The following CTNNA3 variants were observed in gnomAD, a reference collection of about 807,000 sequenced individuals.
CTNNA3 encodes the protein catenin alpha 3.
In CTNNA3, 76 loss-of-function variants were observed where a neutral mutation model predicts 95.7. That is an observed-to-expected ratio of 0.79 (90% CI 0.66 to 0.96). The LOEUF (loss-of-function observed/expected upper bound fraction) is 0.96. Among genes scored for constraint, CTNNA3 ranks in the 40% least tolerant of loss-of-function variants. CTNNA3 has a pLI of 0.00. For missense variants in CTNNA3, 1,191 were observed against 1,089.8 expected (o/e 1.09, Z -1.31); for synonymous variants, 431 against 374.4 (o/e 1.15, Z -1.74).
At position 66,715,268 on chromosome 10, in the gene CTNNA3, A is replaced by G. The variant is rs556336486; in HGVS notation, c.1281+50996T>C. On this transcript the variant is annotated intron_variant, in intron 9 of 17. Transcript: ENST00000433211. ...AAGTCTGTTTACTGGGCAAGGAGGC[A>G]TAGGAAAAAATATAAAGGGCACTGC... 3.9e-5 allele frequency among the ~76,000 whole-genome samples: 6 copies of G among 152,260 alleles called. No individual in the cohort carries two copies. In the East Asian group the frequency reaches 1.2e-3, roughly 29 times the overall value.
chr10:67,642,620 T>C (rs1839575431), intron 2 of CTNNA3, among the ~76,000 whole-genome samples: 1 of 151,880 alleles, frequency 6.6e-6, no homozygotes, highest in South Asian at 2.1e-4. Flanking sequence ...AGGAAGCTGA[T>C]GCAGGAGAAT....
rs1403931419 is a variant in CTNNA3, at chr10:67,347,736, C to G, written c.580-127866G>C. Among the ~76,000 whole-genome samples, 5 of 147,688 alleles carry G rather than the reference C, an allele frequency of 3.4e-5. No homozygotes were observed. In the Admixed American group the frequency reaches 3.5e-4, roughly 10 times the overall value. On this transcript the variant is annotated intron_variant, in intron 5 of 17. Coordinates refer to ENST00000433211, the MANE Select transcript of CTNNA3 (RefSeq NM_013266.4). ...GGTTTTGAGGTGTATCCAGAAAAATCTGGTTTTTTTAATCAAGAGAATCCA... is the reference window on the plus strand; with the variant it reads ...GGTTTTGAGGTGTATCCAGAAAAATGTGGTTTTTTTAATCAAGAGAATCCA...
intron 11 of CTNNA3, among the ~76,000 whole-genome samples, chr10:66,461,187 AGGAATCACT>A (rs1261076298): frequency 6.6e-5 from 10 of 152,098 alleles, no homozygotes; most frequent in African/African-American, 4.8e-5. Context: ...GCATTTCCCC[AGGAATCACT>A]GGAAACATTT....
intron 5 of CTNNA3, among the ~76,000 whole-genome samples, chr10:67,306,994 G>A (rs531969727): frequency 6.6e-6 from 1 of 152,218 alleles, no homozygotes; most frequent in East Asian, 1.9e-4. Flanking sequence ...AGATAAAAAG[G>A]AAGGAAGATA....
At chr10:66,368,698 A>G (rs937457327) in intron 12 of CTNNA3, among the ~76,000 whole-genome samples, 3 of 152,308 alleles carry the variant, frequency 2.0e-5, no homozygotes, top group African/African-American at 7.2e-5. Context: ...CAACAGAAGT[A>G]GCTATTAAAG....
At chr10:66,574,222 T>G (rs1021826122) in intron 10 of CTNNA3, among the ~76,000 whole-genome samples, 13 of 151,824 alleles carry the variant, frequency 8.6e-5, no homozygotes, top group African/African-American at 2.9e-4. Flanking sequence ...CGGGGTGCAG[T>G]GGAGGCAGGG....
intron 9 of CTNNA3, among the ~76,000 whole-genome samples, chr10:66,725,079 T>C (rs765923806): frequency 3.9e-5 from 6 of 152,138 alleles, no homozygotes; most frequent in Non-Finnish European, 7.4e-5. Flanking sequence ...TATAACTCAA[T>C]GTATGTGTTA....
intron 12 of CTNNA3, among the ~76,000 whole-genome samples, chr10:66,340,721 A>G (rs1339701220): frequency 6.6e-6 from 1 of 151,768 alleles, no homozygotes; most frequent in African/African-American, 2.4e-5. Flanking sequence ...TTTTAAATAC[A>G]TTATTAGATT....
chr10:66,797,683 C>A (rs1202198033), intron 7 of CTNNA3, among the ~76,000 whole-genome samples: 2 of 151,934 alleles, frequency 1.3e-5, no homozygotes, highest in African/African-American at 4.8e-5. Flanking sequence ...ATTTTAAAAA[C>A]CGAGGTTGGA....
chr10:67,275,164 G>A (rs376816542), intron 5 of CTNNA3, among the ~76,000 whole-genome samples: 48 of 152,246 alleles, frequency 3.2e-4, no homozygotes, highest in Non-Finnish European at 6.6e-4. Context: ...TTTTAAATAC[G>A]TTAGCACTTT....
intron 1 of CTNNA3, among the ~76,000 whole-genome samples, chr10:67,702,693 A>G (rs1264057821): frequency 2.0e-5 from 3 of 152,218 alleles, no homozygotes; most frequent in Non-Finnish European, 2.9e-5. Flanking sequence ...CAAAATTGAC[A>G]ACCTAACATC....
intron 6 of CTNNA3, among the ~76,000 whole-genome samples, chr10:67,181,539 T>G (rs931209023): frequency 6.6e-6 from 1 of 151,652 alleles, no homozygotes; most frequent in African/African-American, 2.4e-5. Flanking sequence ...AAATTCTGAG[T>G]GTGAATCTAC....
chr10:66,461,966 C>T (rs566807490), intron 11 of CTNNA3, among the ~76,000 whole-genome samples: 3 of 151,614 alleles, frequency 2.0e-5, no homozygotes, highest in African/African-American at 7.3e-5. Context: ...GTGCGTGCCA[C>T]CACACCCGGC....
At chr10:66,186,487 C>A (rs914762679) in intron 13 of CTNNA3, among the ~76,000 whole-genome samples, 20 of 152,086 alleles carry the variant, frequency 1.3e-4, no homozygotes, top group African/African-American at 4.3e-4. Context: ...TTCTTAAATA[C>A]TTGATGCTTC....
intron 7 of CTNNA3, among the ~76,000 whole-genome samples, chr10:66,782,100 C>T (rs114208339): frequency 6.6e-6 from 1 of 152,122 alleles, no homozygotes; most frequent in Non-Finnish European, 1.5e-5. Flanking sequence ...TTCTAATCAG[C>T]TCCATCACCT....
intron 11 of CTNNA3, among the ~76,000 whole-genome samples, chr10:66,448,842 A>T (rs2093442929): frequency 1.3e-5 from 2 of 151,966 alleles, no homozygotes; most frequent in African/African-American, 4.8e-5. Flanking sequence ...ATAAAATTAA[A>T]AAATAAATAA....
chr10:67,015,014 A>T (rs937580053), intron 7 of CTNNA3, among the ~76,000 whole-genome samples: 1 of 152,222 alleles, frequency 6.6e-6, no homozygotes, highest in East Asian at 1.9e-4. Context: ...AACCCAAAAC[A>T]TGTTTTCTTT....
intron 13 of CTNNA3, among the ~76,000 whole-genome samples, chr10:66,158,373 T>C (rs979012929): frequency 1.3e-5 from 2 of 152,162 alleles, no homozygotes; most frequent in Non-Finnish European, 2.9e-5. Flanking sequence ...TACATGTGGC[T>C]AGCCAATTAT....
At position 66,425,700 on chromosome 10, in the gene CTNNA3, A is replaced by ACG. The variant is rs55997407; in HGVS notation, c.1532-46349_1532-46348insCG. On this transcript the variant is annotated intron_variant, in intron 11 of 17. Transcript: ENST00000433211. Reference sequence around the variant, plus strand: ...GATATATATATATACACACACACACATATATACACACACATATATATTCAC... The same window carrying ACG: ...GATATATATATATACACACACACACACGTATATACACACACATATATATTCAC... Among the ~76,000 whole-genome samples, 164 of 151,664 alleles carry ACG rather than the reference A, an allele frequency of 1.1e-3. 2 individuals carry two copies. Among genetic ancestry groups the ACG allele is most frequent in the Middle Eastern group, 6.8e-3 (2 of 292 alleles).
Sources: gnomAD v4.1 joint callset for allele counts (sites outside exome capture counted in the v4.1 genomes callset) on GRCh38, gnomAD v4.1.1 for gene constraint, MANE v1.5 for transcripts, NCBI Gene and HGNC (gene_info 2026-07-23, HGNC 2026-07-21) for gene names.